The following MAMDC2 variants were observed in gnomAD, a reference collection of about 807,000 sequenced individuals.
MAMDC2 encodes MAM domain containing 2, also known as MAM domain-containing protein 2.
A neutral mutation model predicts 89.8 loss-of-function variants in MAMDC2; 57 were observed. The observed-to-expected ratio is 0.63, with a 90% CI of 0.51 to 0.79. The LOEUF is 0.79. Among genes scored for constraint, MAMDC2 ranks in the 30% least tolerant of loss-of-function variants. The pLI, the probability that MAMDC2 is intolerant of heterozygous loss-of-function variation, is 0.00. For missense variants in MAMDC2, 800 were observed against 820.6 expected, an observed-to-expected ratio of 0.97 and a Z score of 0.31; for synonymous variants, 313 against 293.4, an observed-to-expected ratio of 1.07 and a Z score of -0.68.
At chr9:70,152,549 A>G (rs1370593937) in intron 9 of MAMDC2, among the ~76,000 whole-genome samples, 1 of 152,080 alleles carries the variant, frequency 6.6e-6, no homozygotes, top group Non-Finnish European at 1.5e-5. Context: ...TTGACTCCAG[A>G]ATTGATGCTT....
At chr9:70,173,295 T>A (rs1563986595) in intron 11 of MAMDC2, among the ~76,000 whole-genome samples, 1 of 152,192 alleles carries the variant, frequency 6.6e-6, no homozygotes. Context: ...CATAGTACTA[T>A]AAAGGTCATT....
At chr9:70,101,627 C>T (rs1210017039) in intron 2 of MAMDC2, among the ~76,000 whole-genome samples, 1 of 152,174 alleles carries the variant, frequency 6.6e-6, no homozygotes, top group Non-Finnish European at 1.5e-5. Flanking sequence ...AGTACAGTAA[C>T]ATACTGTTAC....
intron 9 of MAMDC2, among the ~76,000 whole-genome samples, chr9:70,165,097 T>C (rs2032128919): frequency 6.6e-6 from 1 of 152,114 alleles, no homozygotes. Flanking sequence ...ACACTGCTTT[T>C]AAGAAAGATC....
intron 5 of MAMDC2, among the ~76,000 whole-genome samples, chr9:70,117,915 G>A (rs2118298813): frequency 6.6e-6 from 1 of 152,340 alleles, no homozygotes; most frequent in East Asian, 1.9e-4. Flanking sequence ...GCACAGTAAT[G>A]TATGACTAAT....
chr9:70,151,670 C>T (rs763536015), intron 9 of MAMDC2, among the ~76,000 whole-genome samples: 2 of 152,130 alleles, frequency 1.3e-5, no homozygotes, highest in Admixed American at 6.5e-5. Context: ...CCTGTTCTTG[C>T]GCACCTGGAG....
At chr9:70,116,406 G>C (rs1157487309) in intron 5 of MAMDC2, among the ~76,000 whole-genome samples, 1 of 152,186 alleles carries the variant, frequency 6.6e-6, no homozygotes, top group South Asian at 2.1e-4. Flanking sequence ...CCTAGGGATA[G>C]AGAAAGAGCC....
chr9:70,214,539 C>A (rs1445313935), intron 11 of MAMDC2, among the ~76,000 whole-genome samples: 1 of 152,196 alleles, frequency 6.6e-6, no homozygotes, highest in Non-Finnish European at 1.5e-5. Context: ...CTCTGAAATG[C>A]TAACCCAGTG....
At chr9:70,139,996 G>A in intron 7 of MAMDC2, 149 bp from the exon 8 acceptor site, 1 of 716,276 alleles carries the variant, frequency 1.4e-6, no homozygotes, top group Non-Finnish European at 2.1e-6. Flanking sequence ...TAACCTGTCA[G>A]CATGCCCTTT....
intron 9 of MAMDC2, among the ~76,000 whole-genome samples, chr9:70,166,525 A>G (rs2032183907): frequency 6.6e-6 from 1 of 152,054 alleles, no homozygotes; most frequent in Non-Finnish European, 1.5e-5. Context: ...TAACATTATG[A>G]GAGGAATATA....
chr9:70,185,595 T>G (rs1220642763), intron 11 of MAMDC2, among the ~76,000 whole-genome samples: 1 of 152,146 alleles, frequency 6.6e-6, no homozygotes, highest in Non-Finnish European at 1.5e-5. Context: ...TGAGGAGTGA[T>G]CTAGGGAGGC....
chr9:70,060,189 C>T (rs1827115422), intron 2 of MAMDC2, among the ~76,000 whole-genome samples: 2 of 152,176 alleles, frequency 1.3e-5, no homozygotes, highest in Admixed American at 1.3e-4. Context: ...AAACTCGAAG[C>T]AAAGAATCCC....
intron 11 of MAMDC2, among the ~76,000 whole-genome samples, chr9:70,206,958 C>G (rs2118649849): frequency 6.6e-6 from 1 of 152,140 alleles, no homozygotes; most frequent in African/African-American, 2.4e-5. Flanking sequence ...AGGACAAGAA[C>G]TCATCCTTTT....
intron 5 of MAMDC2, among the ~76,000 whole-genome samples, chr9:70,114,412 G>GTT (rs1175495688): frequency 6.6e-6 from 1 of 151,604 alleles, no homozygotes; most frequent in East Asian, 1.9e-4. Flanking sequence ...TTTTGTGTGT[G>GTT]TGAAATTTCC....
chr9:70,210,238 TAA>T (rs900556832), intron 11 of MAMDC2, among the ~76,000 whole-genome samples: 4 of 152,186 alleles, frequency 2.6e-5, no homozygotes, highest in African/African-American at 9.7e-5. Flanking sequence ...AGTGGGGTGT[TAA>T]AGTCTCCCAT....
intron 7 of MAMDC2, 123 bp from the exon 8 acceptor site, chr9:70,140,018 TTTAG>T: frequency 1.1e-6 from 1 of 905,890 alleles, no homozygotes; most frequent in Non-Finnish European, 1.6e-6. Context: ...GATAAAGATA[TTTAG>T]TTGTGTTTTA....
chr9:70,183,945 G>A (rs185467168), intron 11 of MAMDC2, among the ~76,000 whole-genome samples: 239 of 152,176 alleles, frequency 1.6e-3, no homozygotes, highest in Non-Finnish European at 2.8e-3. Flanking sequence ...GGTTATTGTG[G>A]CTGTTACTTG....
intron 2 of MAMDC2, among the ~76,000 whole-genome samples, chr9:70,060,849 A>C (rs977597420): frequency 6.6e-6 from 1 of 152,148 alleles, no homozygotes; most frequent in Non-Finnish European, 1.5e-5. Context: ...CCCTTCCCCT[A>C]AGAGAAGCCA....
At chr9:70,222,378 G>T (rs2033580457) in intron 12 of MAMDC2, among the ~76,000 whole-genome samples, 1 of 152,152 alleles carries the variant, frequency 6.6e-6, no homozygotes, top group Non-Finnish European at 1.5e-5. Context: ...GTTCAGGGAA[G>T]AGAACACAGT....
chr9:70,107,312 C>T (rs1366316339), intron 2 of MAMDC2, among the ~76,000 whole-genome samples: 1 of 150,912 alleles, frequency 6.6e-6, no homozygotes, highest in South Asian at 2.1e-4. Flanking sequence ...AAGCACTTGT[C>T]GATATTAGGA....
Sources: gnomAD v4.1 joint callset for allele counts (sites outside exome capture counted in the v4.1 genomes callset) on GRCh38, gnomAD v4.1.1 for gene constraint, MANE v1.5 for transcripts, NCBI Gene and HGNC (gene_info 2026-07-23, HGNC 2026-07-21) for gene names.